The following ABCA1 variants were observed in gnomAD, a reference collection of about 807,000 sequenced individuals.
ABCA1 encodes phospholipid-transporting ATPase ABCA1.
Under a neutral mutation model 262.5 loss-of-function variants are expected in ABCA1, and 133 were observed. That is an observed-to-expected ratio of 0.51 (90% confidence interval 0.44 to 0.59). The LOEUF is 0.59. Among genes scored for constraint, ABCA1 ranks in the 20% least tolerant of loss-of-function variants. ABCA1 has a pLI of 0.00. For missense variants in ABCA1, 2,452 were observed against 2,777.5 expected (o/e 0.88, Z 2.63); for synonymous variants, 1,022 against 1,043.5 (o/e 0.98, Z 0.40).
chr9:104,907,006 A>G (rs199778640), intron 1 of ABCA1, among the ~76,000 whole-genome samples: 2 of 152,030 alleles, frequency 1.3e-5, no homozygotes, highest in Non-Finnish European at 2.9e-5. Context: ...ATATCTGAAC[A>G]TGCCTCTCCC....
rs548393988 is a variant in ABCA1 at position 104,866,997 on chromosome 9, G to T, written c.422-5197C>A. Among the ~76,000 whole-genome samples the T allele has an allele frequency of 8.5e-5, 13 of 152,326 alleles. No individual in the cohort carries two copies. In the East Asian group the frequency reaches 2.5e-3, roughly 29 times the overall value. On this transcript the variant is annotated intron_variant, in intron 5 of 49. Transcript: ENST00000374736. ...TGAATAGATGGATGGATGAACTAAT[G>T]AATGAATGAATACAAATGAGTGAAT...
In ABCA1 at chr9:104,817,332, C is replaced by T; in HGVS notation, c.3535G>A (p.Asp1179Asn). 1 of 1,614,124 alleles carries T rather than the reference C, an allele frequency of 6.2e-7. No individual in the cohort carries two copies. The highest frequency in any genetic ancestry group is 8.5e-7 in the Non-Finnish European group (1 of 1,180,004). ...GAATAAGAAACCCCAGAGTCCTTAC[C>T]GATGGTCAGCGTGTCACTCTCATGG... Reference protein sequence around the residue: ...SDHESDTLTIDVSAISNLIRK... With the variant: ...SDHESDTLTINVSAISNLIRK... The change falls in exon 24 of 50, where the codon GAT becomes AAT. Residue 1179 changes from aspartate (D) to asparagine (N), a missense_variant and splice_region_variant. Coordinates refer to ENST00000374736, the MANE Select transcript of ABCA1 (RefSeq NM_005502.4). The surrounding 1 kb of genome is among the most constrained non-coding windows in gnomAD (Gnocchi z 4.7).
At chr9:104,875,333 C>T (rs1255089208) in intron 5 of ABCA1, among the ~76,000 whole-genome samples, 9 of 131,432 alleles carry the variant, frequency 6.8e-5, no homozygotes, top group African/African-American at 8.9e-5. Context: ...TCCTGGGCAA[C>T]AGAGTGAGAC....
chr9:104,871,401 TG>T (rs1273418320), intron 5 of ABCA1, among the ~76,000 whole-genome samples: 2 of 152,186 alleles, frequency 1.3e-5, no homozygotes, highest in Admixed American at 6.5e-5. Flanking sequence ...GAGAAGTTAC[TG>T]GAAGTCCCTA....
rs369799944 is a variant in ABCA1 at position 104,858,602 on chromosome 9, G to A, written c.640C>T (p.Leu214Phe). ...AGTTTCTCCCTTGGTAGGCCACAAA[G>A]CTCAGAAACTTCTTGGTCACCAAGT... ...IQLGDQEVSELCGLPREKLAA... is the reference protein window; with the variant it reads ...IQLGDQEVSEFCGLPREKLAA... Residue 214 changes from leucine to phenylalanine, a missense_variant, in exon 7 of 50, where the codon CTT (leucine) becomes TTT (phenylalanine). This residue lies in a region of ABCA1 where 1,032 missense variants were observed against 1,089.7 expected (regional missense o/e 0.95). Coordinates refer to ENST00000374736, the MANE Select transcript of ABCA1 (RefSeq NM_005502.4). 9 of 1,614,162 alleles carry A rather than the reference G, an allele frequency of 5.6e-6. No individual in the cohort carries two copies. The highest frequency in any genetic ancestry group is 4.0e-5 in the African/African-American group (3 of 75,052).
Position 104,818,754 on chromosome 9 carries a change from G to A in ABCA1, c.3371C>T (p.Thr1124Ile), listed in dbSNP as rs764188428. ...CTTGACCAAGGTCAGGTAGTAGCCT[G>A]TTCCCAGCTGGTTCTTCAGAAACAG... is the stretch of plus-strand genomic sequence containing the variant. ...SSLFLKNQLG[T>I]GYYLTLVKKD... Residue 1124 changes from threonine (T) to isoleucine (I), a missense_variant, in exon 23 of 50, where the codon ACA becomes ATA. Physicochemically the swap from Thr to Ile is moderately conservative, Grantham distance 89 (BLOSUM62 -1). This residue lies in a region of ABCA1 where 665 missense variants were observed against 727.3 expected (regional missense o/e 0.91). Coordinates refer to ENST00000374736, the MANE Select transcript of ABCA1 (RefSeq NM_005502.4). 3.1e-6 allele frequency: 5 copies of A among 1,613,980 alleles called. No individual in the cohort carries two copies. Among genetic ancestry groups the A allele is most frequent in the South Asian group, 1.1e-5 (1 of 91,076 alleles).
chr9:104,907,578 A>T (rs1841242080), intron 1 of ABCA1, among the ~76,000 whole-genome samples: 1 of 152,218 alleles, frequency 6.6e-6, no homozygotes, highest in Non-Finnish European at 1.5e-5. Context: ...CTCATTTCTC[A>T]AGCCTGATTA....
chr9:104,834,547 G>A (rs1351428831), intron 11 of ABCA1, among the ~76,000 whole-genome samples: 1 of 148,652 alleles, frequency 6.7e-6, no homozygotes, highest in African/African-American at 2.5e-5. Context: ...AGTCGGCCCT[G>A]CCCAGTATGG....
chr9:104,816,018 G>A (rs902082790), intron 25 of ABCA1, 125 bp downstream of exon 25: 5 of 1,051,150 alleles, frequency 4.8e-6, no homozygotes, highest in Non-Finnish European at 7.4e-6. Flanking sequence ...ACATTAATCA[G>A]ATGTCGATGA....
intron 5 of ABCA1, among the ~76,000 whole-genome samples, chr9:104,870,650 C>T (rs1837521237): frequency 6.6e-6 from 1 of 151,314 alleles, no homozygotes. Flanking sequence ...GGGCCCCTCA[C>T]AGATACCATG....
At chr9:104,789,037 T>C (rs1375001647) in intron 44 of ABCA1, among the ~76,000 whole-genome samples, 2 of 152,240 alleles carry the variant, frequency 1.3e-5, no homozygotes, top group Non-Finnish European at 2.9e-5. Flanking sequence ...TGGGGTTCTA[T>C]GAAGCCAGTC....
At chr9:104,920,891 A>G (rs78608624) in intron 1 of ABCA1, among the ~76,000 whole-genome samples, 8,274 of 152,264 alleles carry the variant, frequency 0.054, 314 homozygotes, top group African/African-American at 0.11. Flanking sequence ...TACGGTTCAC[A>G]TTATACACAA....
At position 104,821,388 on chromosome 9, in the gene ABCA1, C is replaced by T. The variant is rs1191482801; in HGVS notation, c.2947G>A (p.Val983Met). The change falls in exon 20 of 50, where the codon GTG becomes ATG. Residue 983 changes from valine to methionine, a missense_variant. Physicochemically the swap from Val to Met is conservative, Grantham distance 21. This residue lies in a region of ABCA1 where 665 missense variants were observed against 727.3 expected (regional missense o/e 0.91). Coordinates refer to ENST00000374736, the MANE Select transcript of ABCA1 (RefSeq NM_005502.4). ...QNLGVCPQHN[V>M]LFDMLTVEEH... is the part of the protein sequence containing the mutation. ...GCTGGTACTCACATGTCAAACAGCA[C>T]GTTATGCTGGGGACAGACCCCCAGG... The T allele has an allele frequency of 8.7e-6, 14 of 1,614,006 alleles. No individual in the cohort carries two copies. The highest frequency in any genetic ancestry group is 1.3e-5 in the African/African-American group (1 of 74,936).
chr9:104,838,052 G>A (rs1409802204), intron 9 of ABCA1, among the ~76,000 whole-genome samples: 1 of 152,322 alleles, frequency 6.6e-6, no homozygotes, highest in Non-Finnish European at 1.5e-5. Context: ...GGGGCTGGGC[G>A]CAGTGGCTCA....
intron 18 of ABCA1, among the ~76,000 whole-genome samples, 168 bp downstream of exon 18, chr9:104,824,297 G>A (rs764635887): frequency 1.3e-5 from 2 of 152,218 alleles, no homozygotes; most frequent in South Asian, 2.1e-4. Context: ...AACAGCATTG[G>A]ACATAAATGG....
At chr9:104,918,906 G>A (rs1054215416) in intron 1 of ABCA1, among the ~76,000 whole-genome samples, 3 of 152,192 alleles carry the variant, frequency 2.0e-5, no homozygotes, top group Non-Finnish European at 2.9e-5. Context: ...GAAAACAAGC[G>A]TGGTTTGACT....
intron 14 of ABCA1, among the ~76,000 whole-genome samples, 163 bp from the exon 15 acceptor site, chr9:104,829,301 G>A (rs923700646): frequency 3.3e-5 from 5 of 152,214 alleles, no homozygotes; most frequent in Admixed American, 1.3e-4. Context: ...AATGCTTCAC[G>A]AGCAATGCAA....
chr9:104,864,532 C>T (rs973337264), intron 5 of ABCA1, among the ~76,000 whole-genome samples: 4 of 152,038 alleles, frequency 2.6e-5, no homozygotes, highest in Admixed American at 1.3e-4. Flanking sequence ...ATTTATTTGT[C>T]GAGTCATTTC....
rs76749135 is a variant in ABCA1 at position 104,868,757 on chromosome 9, C to T, written c.422-6957G>A. Among the ~76,000 whole-genome samples the T allele has an allele frequency of 3.2e-3, 493 of 152,262 alleles. 3 individuals are homozygous for T. The highest frequency in any genetic ancestry group is 0.011 in the African/African-American group (465 of 41,554). Reference sequence around the variant, plus strand: ...ATGTGTGTTTGTGGGCTGGAAGAAACGAAGCAGAACCCTCAGCTTCTTGCC... The same window carrying T: ...ATGTGTGTTTGTGGGCTGGAAGAAATGAAGCAGAACCCTCAGCTTCTTGCC... On this transcript the variant is annotated intron_variant, in intron 5 of 49. Transcript: ENST00000374736.
Sources: gnomAD v4.1 joint callset for allele counts (sites outside exome capture counted in the v4.1 genomes callset) on GRCh38, gnomAD v4.1.1 for gene constraint, gnomAD v4.1.1 regional missense constraint, Gnocchi (gnomAD v3.1) non-coding constraint, MANE v1.5 for transcripts, NCBI Gene and HGNC (gene_info 2026-07-23, HGNC 2026-07-21) for gene names.